BLK: variants seen among roughly 807,000 people sequenced by gnomAD.
BLK encodes BLK proto-oncogene, Src family tyrosine kinase, also known as tyrosine-protein kinase Blk.
BLK carries 64 observed loss-of-function variants against 61.8 expected under a neutral mutation model. The observed-to-expected ratio is 1.03, with a 90% CI of 0.85 to 1.27. BLK has a LOEUF of 1.27. Among genes scored for constraint, BLK ranks in the 50% most tolerant of loss-of-function variants. The pLI is 0.00. For synonymous variants in BLK, 351 were observed against 272.0 expected, an observed-to-expected ratio of 1.29 and a Z score of -2.86; for missense variants, 853 against 660.5, an observed-to-expected ratio of 1.29 and a Z score of -3.19.
chr8:11,551,342 G>A (rs995381942), intron 6 of BLK, among the ~76,000 whole-genome samples: 2 of 152,168 alleles, frequency 1.3e-5, no homozygotes, highest in African/African-American at 2.4e-5. Context: ...TTGGCTTGCC[G>A]ATGGCCGTCT....
chr8:11,529,671 T>C (rs1799809791), intron 1 of BLK, among the ~76,000 whole-genome samples: 1 of 151,936 alleles, frequency 6.6e-6, no homozygotes, highest in Admixed American at 6.6e-5. Context: ...GGAGGGTTCT[T>C]CTGGAATGCG....
intron 1 of BLK, among the ~76,000 whole-genome samples, chr8:11,521,575 G>A (rs1585349647): frequency 2.0e-5 from 3 of 152,346 alleles, no homozygotes; most frequent in Admixed American, 2.0e-4. Flanking sequence ...GCAGGTGTGA[G>A]CCACTGTACC....
At chr8:11,537,352 C>G (rs374194898) in intron 1 of BLK, among the ~76,000 whole-genome samples, 1 of 152,210 alleles carries the variant, frequency 6.6e-6, no homozygotes, top group South Asian at 2.1e-4. Flanking sequence ...ATCGCGACAC[C>G]CAGGGTGAGT....
chr8:11,516,578 A>T (rs918330575), intron 1 of BLK, among the ~76,000 whole-genome samples: 19 of 152,126 alleles, frequency 1.2e-4, no homozygotes, highest in African/African-American at 4.3e-4. Flanking sequence ...GCCCTGTTAA[A>T]CTAACTCCCC....
intron 1 of BLK, among the ~76,000 whole-genome samples, chr8:11,519,938 G>C (rs1371887614): frequency 6.6e-6 from 1 of 152,042 alleles, no homozygotes; most frequent in Non-Finnish European, 1.5e-5. Flanking sequence ...TGGGTATTGG[G>C]GTTCTGGGAA....
At chr8:11,509,246 G>C (rs1798902325) in intron 1 of BLK, 1 of 152,210 alleles carries the variant, frequency 6.6e-6, no homozygotes, top group Non-Finnish European at 1.5e-5. Context: ...CGGGACCCCA[G>C]CTCGGTTTCC....
chr8:11,538,875 G>A (rs982874579), intron 1 of BLK, among the ~76,000 whole-genome samples: 1 of 151,942 alleles, frequency 6.6e-6, no homozygotes, highest in Non-Finnish European at 1.5e-5. Context: ...TCTGTTGCTG[G>A]GCAAATCACT....
At chr8:11,501,081 C>T (rs938414922) in intron 1 of BLK, among the ~76,000 whole-genome samples, 1 of 151,976 alleles carries the variant, frequency 6.6e-6, no homozygotes, top group African/African-American at 2.4e-5. Flanking sequence ...TGGTGGCAGG[C>T]ACCTGTAATC....
chr8:11,526,019 C>T (rs767163775), intron 1 of BLK, among the ~76,000 whole-genome samples: 3 of 152,148 alleles, frequency 2.0e-5, no homozygotes, highest in African/African-American at 4.8e-5. Context: ...GTGATCTGCC[C>T]GCCTCGGCCT....
chr8:11,564,236 C>A lies in BLK; in HGVS notation c.*128C>A. On this transcript the variant is annotated 3_prime_UTR_variant, in exon 13 of 13. Coordinates refer to ENST00000259089, the MANE Select transcript of BLK (RefSeq NM_001715.3). ...TTTCTCAGACCCGGAATCCAGTGGG[C>A]AGAGGCAGCTTCGCAGGGGGTCCCC... The A allele has an allele frequency of 1.7e-6, 2 of 1,168,972 alleles. No individual in the cohort carries two copies. The highest frequency in any genetic ancestry group is 2.4e-6 in the Non-Finnish European group (2 of 816,358). 72.4% of individuals were successfully genotyped at this position (1,168,972 alleles called of 1,614,324 possible).
chr8:11,526,588 A>G (rs1335235823), intron 1 of BLK, among the ~76,000 whole-genome samples: 4 of 152,166 alleles, frequency 2.6e-5, no homozygotes, highest in Admixed American at 1.3e-4. Flanking sequence ...GCGTTGTGGC[A>G]CATGCCTGTC....
intron 9 of BLK, 123 bp downstream of exon 9, chr8:11,556,960 A>G (rs774912135): frequency 1.3e-6 from 1 of 773,086 alleles, no homozygotes; most frequent in Admixed American, 2.6e-5. Flanking sequence ...AGGGCATGGC[A>G]CGGTGTGGGG....
chr8:11,553,839 G>C (rs1350604030), intron 6 of BLK, among the ~76,000 whole-genome samples: 1 of 152,178 alleles, frequency 6.6e-6, no homozygotes, highest in Admixed American at 6.5e-5. Flanking sequence ...TGAGGCAGGG[G>C]AACTGACAGG....
intron 1 of BLK, among the ~76,000 whole-genome samples, chr8:11,511,328 G>C (rs1029901148): frequency 3.9e-5 from 6 of 151,992 alleles, no homozygotes; most frequent in Non-Finnish European, 7.4e-5. Flanking sequence ...AGCATTAGGA[G>C]ATATACCTAA....
chr8:11,510,625 C>G (rs562404317), intron 1 of BLK, among the ~76,000 whole-genome samples: 5 of 152,122 alleles, frequency 3.3e-5, no homozygotes, highest in African/African-American at 1.2e-4. Flanking sequence ...CTCTCTCTGT[C>G]TCTTTCCCCC....
chr8:11,562,646 C>A (rs1422708116), intron 11 of BLK, among the ~76,000 whole-genome samples: 1 of 152,244 alleles, frequency 6.6e-6, no homozygotes, highest in African/African-American at 2.4e-5. Flanking sequence ...AAACAAGGCC[C>A]CTGTAAGGTG....
At chr8:11,529,899 A>T (rs1212353980) in intron 1 of BLK, among the ~76,000 whole-genome samples, 3 of 152,164 alleles carry the variant, frequency 2.0e-5, no homozygotes, top group Non-Finnish European at 4.4e-5. Context: ...TGAAGCCTCA[A>T]GGAATCCAGG....
At chr8:11,523,512 C>T (rs1440811062) in intron 1 of BLK, among the ~76,000 whole-genome samples, 1 of 152,018 alleles carries the variant, frequency 6.6e-6, no homozygotes, top group Non-Finnish European at 1.5e-5. Flanking sequence ...GCGATGGCGC[C>T]ACTATACACC....
At chr8:11,558,517 C>T in intron 10 of BLK, 1 of 392,102 alleles carries the variant, frequency 2.6e-6, no homozygotes, top group South Asian at 1.9e-5. Context: ...ATGGGCAGGC[C>T]TGAGCTACAC....
Sources: gnomAD v4.1 joint callset for allele counts (sites outside exome capture counted in the v4.1 genomes callset) on GRCh38, gnomAD v4.1.1 for gene constraint, MANE v1.5 for transcripts, NCBI Gene and HGNC (gene_info 2026-07-23, HGNC 2026-07-21) for gene names.